The following AGBL4 variants were observed in gnomAD, a reference collection of about 807,000 sequenced individuals.
The protein encoded by AGBL4 is cytosolic carboxypeptidase 6.
In AGBL4, 58 loss-of-function variants were observed where a neutral mutation model predicts 66.4. That is an observed-to-expected ratio of 0.87 (90% CI 0.71 to 1.09). The LOEUF is 1.09. Ranked by LOEUF, AGBL4 falls within the 50% of genes least tolerant of loss-of-function variation. The probability of loss-of-function intolerance (pLI) is 0.00; values close to 1 mark genes in which losing one functional copy is unlikely to be tolerated. For missense variants in AGBL4, 579 were observed against 631.0 expected (o/e 0.92, Z 0.88); for synonymous variants, 234 against 222.9 (o/e 1.05, Z -0.44).
At chr1:49,963,072 T>C (rs1286741270) in intron 1 of AGBL4, among the ~76,000 whole-genome samples, 1 of 152,172 alleles carries the variant, frequency 6.6e-6, no homozygotes, top group Non-Finnish European at 1.5e-5. Flanking sequence ...ACCATAGAAC[T>C]GAATATACAT....
intron 3 of AGBL4, among the ~76,000 whole-genome samples, chr1:49,509,487 C>G (rs374378590): frequency 6.6e-6 from 1 of 151,790 alleles, no homozygotes; most frequent in Non-Finnish European, 1.5e-5. Context: ...AAACATGTGT[C>G]TCTTATTCCA....
At chr1:49,625,066 C>A (rs1414191654) in intron 3 of AGBL4, among the ~76,000 whole-genome samples, 1 of 152,118 alleles carries the variant, frequency 6.6e-6, no homozygotes, top group Non-Finnish European at 1.5e-5. Flanking sequence ...CTTTAAGGTT[C>A]AGTCCCTTAC....
At chr1:49,492,525 A>G (rs1195511465) in intron 3 of AGBL4, among the ~76,000 whole-genome samples, 1 of 152,006 alleles carries the variant, frequency 6.6e-6, no homozygotes, top group Non-Finnish European at 1.5e-5. Flanking sequence ...CAGTTCCGAA[A>G]TTCACCAAAG....
intron 12 of AGBL4, among the ~76,000 whole-genome samples, chr1:48,536,515 G>A (rs1173435371): frequency 6.6e-6 from 1 of 152,200 alleles, no homozygotes; most frequent in Admixed American, 6.5e-5. Flanking sequence ...GTTTGCATTT[G>A]TACTTGCCTT....
rs572339675 is a variant in AGBL4 at position 49,787,245 on chromosome 1, A to G, written c.157+64151T>C. 7.2e-5 allele frequency among the ~76,000 whole-genome samples: 11 copies of G among 152,262 alleles called. No individual in the cohort carries two copies. The South Asian group carries it at 8.3e-4, about 11-fold the overall frequency. ...TGGCCGGGCGCAGTGGCTCACGCCT[A>G]TAATCCCAGCACTTTGGGAGGCGGA... On this transcript the variant is annotated intron_variant, in intron 2 of 13. Coordinates refer to ENST00000371839, the MANE Select transcript of AGBL4 (RefSeq NM_032785.4).
intron 4 of AGBL4, among the ~76,000 whole-genome samples, chr1:49,157,639 C>T (rs1646460109): frequency 6.6e-6 from 1 of 152,134 alleles, no homozygotes; most frequent in Non-Finnish European, 1.5e-5. Context: ...GGGCCTAGAT[C>T]CTTGAGAAAT....
At chr1:48,800,526 T>C (rs1024361111) in intron 6 of AGBL4, among the ~76,000 whole-genome samples, 4 of 152,230 alleles carry the variant, frequency 2.6e-5, no homozygotes, top group African/African-American at 4.8e-5. Context: ...TCTTTTCTTC[T>C]GCTGGTTTTA....
At chr1:48,709,617 T>TATTATTA (rs55900245) in intron 6 of AGBL4, among the ~76,000 whole-genome samples, 3 of 148,748 alleles carry the variant, frequency 2.0e-5, no homozygotes, top group African/African-American at 2.5e-5. Flanking sequence ...TTATTATTAT[T>TATTATTA]TTGAGATGGA....
intron 1 of AGBL4, among the ~76,000 whole-genome samples, chr1:49,864,913 T>C (rs910955952): frequency 3.3e-5 from 5 of 152,212 alleles, no homozygotes; most frequent in Non-Finnish European, 7.3e-5. Context: ...TGTTTTCTTC[T>C]GGCAGTGCTG....
At chr1:48,679,903 G>A (rs568923647) in intron 6 of AGBL4, among the ~76,000 whole-genome samples, 4 of 152,320 alleles carry the variant, frequency 2.6e-5, no homozygotes, top group East Asian at 1.9e-4. Context: ...CCCAGCTCAC[G>A]GTGCTTAGTA....
chr1:49,381,456 G>C (rs1037143015), intron 3 of AGBL4, among the ~76,000 whole-genome samples: 9 of 152,140 alleles, frequency 5.9e-5, no homozygotes, highest in African/African-American at 2.2e-4. Context: ...CAGGGATCTA[G>C]AACTAGAAAT....
At chr1:49,358,463 C>T (rs557784060) in intron 3 of AGBL4, among the ~76,000 whole-genome samples, 8 of 152,226 alleles carry the variant, frequency 5.3e-5, no homozygotes, top group Non-Finnish European at 1.2e-4. Flanking sequence ...AACCTTCTCC[C>T]TGTAACCTTC....
rs553598962 is a variant in AGBL4, at chr1:49,797,379, T to C, written c.157+54017A>G. 1.3e-4 allele frequency among the ~76,000 whole-genome samples: 20 copies of C among 152,296 alleles called. 1 individual carries two copies. The South Asian group carries it at 4.1e-3, about 32-fold the overall frequency. On this transcript the variant is annotated intron_variant, in intron 2 of 13. Coordinates refer to ENST00000371839, the MANE Select transcript of AGBL4 (RefSeq NM_032785.4). ...AGATTGTTACTGTGCCTAGGATAAA[T>C]AGGTACATTAGTTATCTTATGAGTC...
At chr1:49,896,462 A>C (rs890224964) in intron 1 of AGBL4, among the ~76,000 whole-genome samples, 11 of 124,720 alleles carry the variant, frequency 8.8e-5, no homozygotes, top group African/African-American at 2.5e-4. Context: ...TGATGGCTTC[A>C]CTGATGAATT....
chr1:49,406,014 A>G (rs527806680), intron 3 of AGBL4, among the ~76,000 whole-genome samples: 1 of 152,324 alleles, frequency 6.6e-6, no homozygotes, highest in African/African-American at 2.4e-5. Flanking sequence ...AACAACCACT[A>G]TCCTTCAATT....
intron 5 of AGBL4, among the ~76,000 whole-genome samples, chr1:48,888,000 GA>G (rs1343192883): frequency 1.3e-5 from 2 of 152,098 alleles, no homozygotes; most frequent in East Asian, 3.9e-4. Flanking sequence ...CTCTTAATTG[GA>G]AGCCAAAGCC....
intron 3 of AGBL4, among the ~76,000 whole-genome samples, chr1:49,414,733 G>A (rs1334720070): frequency 6.6e-6 from 1 of 152,106 alleles, no homozygotes; most frequent in East Asian, 1.9e-4. Context: ...TCAAATCACA[G>A]ATCTATCACT....
intron 3 of AGBL4, among the ~76,000 whole-genome samples, chr1:49,462,500 A>G (rs534687759): frequency 2.0e-5 from 3 of 151,842 alleles, no homozygotes; most frequent in Admixed American, 2.0e-4. Flanking sequence ...TTAGAAAAAT[A>G]AGCTTAAATA....
chr1:49,319,261 C>T (rs1275379557), intron 3 of AGBL4, among the ~76,000 whole-genome samples: 1 of 152,148 alleles, frequency 6.6e-6, no homozygotes, highest in Non-Finnish European at 1.5e-5. Context: ...ATGAGTTAAA[C>T]TCTATTTGAC....
Sources: gnomAD v4.1 joint callset for allele counts (sites outside exome capture counted in the v4.1 genomes callset) on GRCh38, gnomAD v4.1.1 for gene constraint, MANE v1.5 for transcripts, NCBI Gene and HGNC (gene_info 2026-07-23, HGNC 2026-07-21) for gene names.